PFKM: variants seen among roughly 807,000 people sequenced by gnomAD.
PFKM encodes the protein phosphofructokinase, muscle.
In PFKM, 58 loss-of-function variants were observed where a neutral mutation model predicts 95.5. The observed-to-expected ratio is 0.61, with a 90% CI of 0.49 to 0.76. The LOEUF is 0.76. PFKM is among the 30% of genes least tolerant of loss of function. The pLI, the probability that PFKM is intolerant of heterozygous loss-of-function variation, is 0.00. For synonymous variants in PFKM, 336 were observed against 357.2 expected (o/e 0.94, Z 0.67); for missense variants, 678 against 1,005.4 (o/e 0.67, Z 4.40).
chr12:48,135,077 A>G (rs1949945880), intron 9 of PFKM, 39 bp downstream of exon 9: 1 of 1,459,800 alleles, frequency 6.9e-7, no homozygotes, highest in African/African-American at 1.4e-5. Context: ...TAGAATCCAT[A>G]GCCCATTCCC....
intron 3 of PFKM, among the ~76,000 whole-genome samples, chr12:48,113,762 G>A (rs1947420574): frequency 6.6e-6 from 1 of 152,154 alleles, no homozygotes; most frequent in Admixed American, 6.5e-5. Flanking sequence ...CACCTTGAAG[G>A]CAAGGTTAAT....
At chr12:48,141,596 G>A in intron 15 of PFKM, 144 bp from the exon 16 acceptor site, 2 of 795,352 alleles carry the variant, frequency 2.5e-6, no homozygotes, top group Non-Finnish European at 4.5e-6. Context: ...GGATAGGACT[G>A]AGAGGGTGGG....
chr12:48,126,021 C>G (rs1948799890), intron 2 of PFKM, among the ~76,000 whole-genome samples: 1 of 152,082 alleles, frequency 6.6e-6, no homozygotes, highest in Non-Finnish European at 1.5e-5. Context: ...ACCCACAGTT[C>G]TTCTTTCTAA....
chr12:48,122,497 C>G, intron 1 of PFKM: 2 of 1,039,028 alleles, frequency 1.9e-6, no homozygotes, highest in Non-Finnish European at 2.5e-6. Flanking sequence ...AGTTTATTCC[C>G]CAAATAGGTT....
intron 1 of PFKM, chr12:48,106,205 C>T (rs1323866868): frequency 3.0e-6 from 2 of 671,736 alleles, no homozygotes; most frequent in Non-Finnish European, 5.5e-6. Flanking sequence ...GGGGCGCCTG[C>T]GCGGTGTGGC....
At chr12:48,132,253 C>G in intron 4 of PFKM, 1 of 351,206 alleles carries the variant, frequency 2.8e-6, no homozygotes, top group South Asian at 2.2e-5. Context: ...CTTAATTTCC[C>G]AGGGACTTAT....
chr12:48,135,315 G>A lies in PFKM; in HGVS notation c.868G>A (p.Asp290Asn). ...GCTGGTGGTTAAGCGTCTGGGATAT[G>A]ACACCCGGGTTACTGTCTTGGGGCA... Reference protein sequence around the residue: ...KNLVVKRLGYDTRVTVLGHVQ... With the variant: ...KNLVVKRLGYNTRVTVLGHVQ... The change falls in exon 10 of 23, where the codon GAC becomes AAC. Residue 290 changes from aspartate to asparagine, a missense_variant. Physicochemically the swap from Asp to Asn is conservative, Grantham distance 23. Transcript: ENST00000359794. The A allele has an allele frequency of 6.2e-7, 1 of 1,614,126 alleles. No homozygotes were observed. Among genetic ancestry groups the A allele is most frequent in the Non-Finnish European group, 8.5e-7 (1 of 1,179,972 alleles).
chr12:48,106,645 A>G (rs941943863), intron 1 of PFKM: 1 of 163,058 alleles, frequency 6.1e-6, no homozygotes, highest in Non-Finnish European at 1.4e-5. Context: ...CTAGGAAACA[A>G]GTTTCTTAAC....
intron 1 of PFKM, chr12:48,122,496 C>T: frequency 9.7e-7 from 1 of 1,032,372 alleles, no homozygotes. Context: ...TAGTTTATTC[C>T]CCAAATAGGT....
At position 48,110,527 on chromosome 12, in the gene PFKM, T is replaced by C. The variant is rs149356402; in HGVS notation, c.205+2333T>C. 2.7e-3 allele frequency among the ~76,000 whole-genome samples: 415 copies of C among 152,262 alleles called. 1 individual carries two copies. The highest frequency in any genetic ancestry group is 4.7e-3 in the Non-Finnish European group (318 of 68,010). On this transcript the variant is annotated intron_variant, in intron 3 of 24. Transcript: ENST00000340802. ...TCACTATAGGGCACCAGTGAAATGG[T>C]GAGGAACTCATGTCGTCAAACAACA...
At chr12:48,123,206 T>C (rs539245647) in intron 2 of PFKM, among the ~76,000 whole-genome samples, 2 of 152,228 alleles carry the variant, frequency 1.3e-5, no homozygotes, top group East Asian at 3.9e-4. Flanking sequence ...ACTTTGGTAA[T>C]GGTGGGGATG....
Position 48,139,830 on chromosome 12 carries a change from C to T in PFKM, c.1128-19C>T. 1.3e-6 allele frequency: 2 copies of T among 1,567,748 alleles called. No homozygotes were observed. Among genetic ancestry groups the T allele is most frequent in the Non-Finnish European group, 1.8e-6 (2 of 1,138,036 alleles). On this transcript the variant is annotated intron_variant, in intron 12 of 22. Coordinates refer to ENST00000359794, the MANE Select transcript of PFKM (RefSeq NM_000289.6). ...GGGAATGGCCTGAAGACACCTCTCT[C>T]TATTTGTACTTCCTACAGGAGCTTC...
rs1951011085 is a variant in PFKM at position 48,145,957 on chromosome 12, A to C, written c.*249A>C. 1 of 532,602 alleles carries C rather than the reference A, an allele frequency of 1.9e-6. No homozygotes were observed. Among genetic ancestry groups the C allele is most frequent in the East Asian group, 3.2e-5 (1 of 31,468 alleles). The allele number at this position is 532,602 out of a possible 1,614,324, so 33.0% of individuals were successfully genotyped here. ...CACAAGGCTGGGCACCTCTAGTGCT[A>C]CTGCTAGATATCACTTACTCAGTTA... On this transcript the variant is annotated 3_prime_UTR_variant, in exon 23 of 23. Transcript: ENST00000359794. The surrounding 1 kb of genome is among the most constrained non-coding windows in gnomAD (Gnocchi z 4.3).
exon 1 of PFKM, chr12:48,106,131 T>G (rs1182190722): frequency 1.4e-6 from 1 of 700,686 alleles, no homozygotes; most frequent in Non-Finnish European, 2.6e-6. Context: ...ACCGGAAGAG[T>G]CGCTAGGTGG....
intron 2 of PFKM, 45 bp downstream of exon 2, chr12:48,122,904 A>G: frequency 6.5e-7 from 1 of 1,533,248 alleles, no homozygotes; most frequent in South Asian, 1.1e-5. Flanking sequence ...GACTTTTGGA[A>G]TTTACTGACT....
At chr12:48,130,015 C>T (rs1408000290) in intron 2 of PFKM, among the ~76,000 whole-genome samples, 1 of 152,138 alleles carries the variant, frequency 6.6e-6, no homozygotes, top group Non-Finnish European at 1.5e-5. Context: ...TGATGTTTGA[C>T]AAGCTCTTGG....
At chr12:48,137,235 G>A (rs1195614894) in intron 10 of PFKM, 4 of 202,228 alleles carry the variant, frequency 2.0e-5, no homozygotes, top group Non-Finnish European at 3.0e-5. Context: ...CTAACTTTTT[G>A]TATTTTTAGT....
Position 48,107,991 on chromosome 12 carries a change from A to G in PFKM, c.83-81A>G, listed in dbSNP as rs1946850249. Reference sequence around the variant, plus strand: ...AGAAAGCCCTGGACAGCTCAGAGTCATAGGGAAAATGAAAGGGAGTAAGGA... The same window carrying G: ...AGAAAGCCCTGGACAGCTCAGAGTCGTAGGGAAAATGAAAGGGAGTAAGGA... On this transcript the variant is annotated intron_variant, in intron 2 of 24. Coordinates refer to the PFKM transcript ENST00000340802. 2.1e-6 allele frequency: 3 copies of G among 1,443,474 alleles called. No homozygotes were observed. In the South Asian group the frequency reaches 3.6e-5, roughly 17 times the overall value. The allele number at this position is 1,443,474 out of a possible 1,614,324, so 89.4% of individuals were successfully genotyped here. A position where few individuals can be genotyped will look rare whatever the true frequency, so the allele number is the denominator to read the frequency against.
At chr12:48,122,524 G>A (rs1948393786) in intron 1 of PFKM, 2 of 1,284,398 alleles carry the variant, frequency 1.6e-6, no homozygotes, top group Non-Finnish European at 2.0e-6. Flanking sequence ...GGGGTGGGAG[G>A]GATCAGGGAG....
Sources: allele counts gnomAD v4.1 joint callset (sites outside exome capture counted in the v4.1 genomes callset), GRCh38; gene constraint gnomAD v4.1.1; non-coding constraint Gnocchi (gnomAD v3.1); transcripts MANE v1.5; gene names NCBI Gene and HGNC (gene_info 2026-07-23, HGNC 2026-07-21).